Variants in CACNA2D3 observed in about 807,000 individuals in gnomAD.
CACNA2D3 encodes the protein calcium voltage-gated channel auxiliary subunit alpha2delta 3.
A neutral mutation model predicts 160.6 loss-of-function variants in CACNA2D3; 60 were observed. That is an observed-to-expected ratio of 0.37 (90% CI 0.30 to 0.46). The LOEUF (loss-of-function observed/expected upper bound fraction) is 0.46. Ranked by LOEUF, CACNA2D3 falls within the 20% of genes least tolerant of loss-of-function variation. The pLI, the probability that CACNA2D3 is intolerant of heterozygous loss-of-function variation, is 1.00. For missense variants in CACNA2D3, 1,205 were observed against 1,365.0 expected, an observed-to-expected ratio of 0.88 and a Z score of 1.85; for synonymous variants, 558 against 492.9, an observed-to-expected ratio of 1.13 and a Z score of -1.75.
At chr3:54,656,712 C>T (rs558849643) in intron 11 of CACNA2D3, among the ~76,000 whole-genome samples, 7 of 152,346 alleles carry the variant, frequency 4.6e-5, no homozygotes, top group East Asian at 3.9e-4. Flanking sequence ...GCAATCAAAT[C>T]GCATGACTTC....
chr3:54,321,954 A>ATTGTCAAT (rs1008528643), intron 3 of CACNA2D3, among the ~76,000 whole-genome samples: 4 of 150,368 alleles, frequency 2.7e-5, no homozygotes, highest in Admixed American at 2.6e-4. Flanking sequence ...TAGTAACAGC[A>ATTGTCAAT]TTGTCAATTT....
chr3:54,840,745 G>A (rs1698801722), intron 16 of CACNA2D3, among the ~76,000 whole-genome samples: 2 of 108,560 alleles, frequency 1.8e-5, no homozygotes, highest in East Asian at 2.8e-4. Context: ...TTTTTGAGAC[G>A]GAGTCTCGCT....
intron 11 of CACNA2D3, among the ~76,000 whole-genome samples, chr3:54,709,953 C>T (rs1026068455): frequency 6.6e-6 from 1 of 152,152 alleles, no homozygotes; most frequent in African/African-American, 2.4e-5. Context: ...AGTCGCCTAC[C>T]ACCTGGTAGA....
At chr3:54,167,876 T>C (rs1048861542) in intron 2 of CACNA2D3, among the ~76,000 whole-genome samples, 6 of 152,206 alleles carry the variant, frequency 3.9e-5, no homozygotes, top group Admixed American at 2.6e-4. Context: ...TGTAGATTCT[T>C]ATCTTGTCTA....
At chr3:54,811,759 C>T (rs1315282528) in intron 13 of CACNA2D3, among the ~76,000 whole-genome samples, 1 of 152,088 alleles carries the variant, frequency 6.6e-6, no homozygotes, top group African/African-American at 2.4e-5. Context: ...CCTCGGCCTC[C>T]CAAAGTGCTG....
intron 2 of CACNA2D3, among the ~76,000 whole-genome samples, chr3:54,265,463 A>G (rs930430492): frequency 1.3e-5 from 2 of 151,752 alleles, no homozygotes; most frequent in African/African-American, 4.8e-5. Flanking sequence ...GCAGCAAACC[A>G]CCTTGGCATG....
intron 11 of CACNA2D3, among the ~76,000 whole-genome samples, chr3:54,658,142 T>C (rs941920537): frequency 1.3e-5 from 2 of 152,268 alleles, no homozygotes; most frequent in African/African-American, 4.8e-5. Flanking sequence ...GCAGTGAACA[T>C]GGGTATACAG....
In CACNA2D3 at chr3:55,015,607, T is replaced by A. The variant is rs548791489; in HGVS notation, c.2876-2599T>A. Reference sequence around the variant, plus strand: ...ACTCACTTTTTGAAATTCAAATAATTTAAATATGAAAAGAAAGTTTTATAA... The same window carrying A: ...ACTCACTTTTTGAAATTCAAATAATATAAATATGAAAAGAAAGTTTTATAA... On this transcript the variant is annotated intron_variant, in intron 34 of 37. Coordinates refer to ENST00000474759, the MANE Select transcript of CACNA2D3 (RefSeq NM_018398.3). Among the ~76,000 whole-genome samples, 17 of 152,294 alleles carry A rather than the reference T, an allele frequency of 1.1e-4. No individual in the cohort carries two copies. The South Asian group carries it at 3.1e-3, about 28-fold the overall frequency.
At chr3:54,911,495 T>G (rs772870314) in intron 27 of CACNA2D3, among the ~76,000 whole-genome samples, 121 of 151,646 alleles carry the variant, frequency 8.0e-4, no homozygotes, top group Non-Finnish European at 1.6e-3. Flanking sequence ...TGCCTGGCTT[T>G]GAATCAGGAT....
intron 4 of CACNA2D3, 114 bp from the exon 5 acceptor site, chr3:54,503,378 A>G (rs1362361147): frequency 1.2e-6 from 1 of 836,860 alleles, no homozygotes; most frequent in Non-Finnish European, 1.9e-6. Flanking sequence ...AGATTATGTG[A>G]GCAGATCAGG....
intron 4 of CACNA2D3, among the ~76,000 whole-genome samples, chr3:54,462,526 G>T (rs1700526464): frequency 6.6e-6 from 1 of 152,102 alleles, no homozygotes; most frequent in East Asian, 1.9e-4. Flanking sequence ...TTACCATTAT[G>T]CAATGGCCTT....
At chr3:54,383,866 G>A (rs1699145532) in intron 3 of CACNA2D3, among the ~76,000 whole-genome samples, 1 of 152,140 alleles carries the variant, frequency 6.6e-6, no homozygotes, top group African/African-American at 2.4e-5. Context: ...ACCTTCTTGT[G>A]TTGTTACCTA....
intron 29 of CACNA2D3, among the ~76,000 whole-genome samples, chr3:54,983,728 GC>G (rs1378881563): frequency 6.6e-6 from 1 of 152,196 alleles, no homozygotes; most frequent in Non-Finnish European, 1.5e-5. Flanking sequence ...GAAAACATCA[GC>G]CCCGTGGTGG....
chr3:54,314,407 T>C (rs977423093), intron 2 of CACNA2D3, among the ~76,000 whole-genome samples: 1 of 152,218 alleles, frequency 6.6e-6, no homozygotes, highest in Non-Finnish European at 1.5e-5. Flanking sequence ...CTTCTTTTCC[T>C]CTGGGTAGAT....
intron 2 of CACNA2D3, among the ~76,000 whole-genome samples, chr3:54,153,825 C>G (rs1168525085): frequency 5.3e-5 from 8 of 152,112 alleles, no homozygotes; most frequent in Admixed American, 5.2e-4. Flanking sequence ...ATTGGGTTGC[C>G]ACTTGCATTC....
At chr3:54,630,483 G>A (rs1469916128) in intron 10 of CACNA2D3, among the ~76,000 whole-genome samples, 1 of 152,166 alleles carries the variant, frequency 6.6e-6, no homozygotes, top group Non-Finnish European at 1.5e-5. Flanking sequence ...GTGAGGAGAT[G>A]CCATCCTCCT....
At chr3:54,782,677 G>A (rs1162040774) in intron 13 of CACNA2D3, among the ~76,000 whole-genome samples, 2 of 151,840 alleles carry the variant, frequency 1.3e-5, no homozygotes, top group African/African-American at 4.8e-5. Flanking sequence ...CTGCCTAAAA[G>A]CATCATGCCA....
intron 9 of CACNA2D3, among the ~76,000 whole-genome samples, chr3:54,594,925 G>A (rs576059650): frequency 6.6e-6 from 1 of 152,260 alleles, no homozygotes; most frequent in East Asian, 1.9e-4. Flanking sequence ...ACCACATCAT[G>A]AATACTCATC....
At chr3:54,249,555 A>T (rs2107421227) in intron 2 of CACNA2D3, among the ~76,000 whole-genome samples, 1 of 135,420 alleles carries the variant, frequency 7.4e-6, no homozygotes, top group Non-Finnish European at 1.6e-5. Flanking sequence ...GTCTCTGTTT[A>T]CGTACACACA....
Sources: allele counts gnomAD v4.1 joint callset (sites outside exome capture counted in the v4.1 genomes callset), GRCh38; gene constraint gnomAD v4.1.1; transcripts MANE v1.5; gene names NCBI Gene and HGNC (gene_info 2026-07-23, HGNC 2026-07-21).